ULK4: variants seen among roughly 807,000 people sequenced by gnomAD.
The protein encoded by ULK4 is unc-51 like kinase 4.
A neutral mutation model predicts 160.6 loss-of-function variants in ULK4; 133 were observed. The ratio of observed to expected loss-of-function variants is 0.83; its 90% CI spans 0.72 to 0.96. ULK4 has a LOEUF of 0.96. Ranked by LOEUF, ULK4 falls within the 40% of genes least tolerant of loss-of-function variation. The pLI is 0.00. For missense variants in ULK4, 1,580 were observed against 1,499.5 expected, an observed-to-expected ratio of 1.05 and a Z score of -0.89; for synonymous variants, 534 against 539.8, an observed-to-expected ratio of 0.99 and a Z score of 0.15.
At chr3:41,672,764 C>A (rs2035582033) in intron 29 of ULK4, among the ~76,000 whole-genome samples, 1 of 152,154 alleles carries the variant, frequency 6.6e-6, no homozygotes, top group Admixed American at 6.5e-5. Flanking sequence ...AATACTCTGA[C>A]TTAATCATTA....
intron 30 of ULK4, among the ~76,000 whole-genome samples, chr3:41,661,325 G>C (rs1318386718): frequency 6.6e-6 from 1 of 152,110 alleles, no homozygotes; most frequent in East Asian, 1.9e-4. Flanking sequence ...CATAGATACA[G>C]AATGATACTA....
At chr3:41,381,467 A>G (rs980787305) in intron 35 of ULK4, among the ~76,000 whole-genome samples, 1 of 152,092 alleles carries the variant, frequency 6.6e-6, no homozygotes. Flanking sequence ...AAATGTTCAA[A>G]ACTGAGCTCC....
chr3:41,773,725 C>A (rs183488397), intron 21 of ULK4, among the ~76,000 whole-genome samples: 2,131 of 152,140 alleles, frequency 0.014, 16 homozygotes, highest in Non-Finnish European at 0.023. Flanking sequence ...AAACGACTTT[C>A]AAGTTCATAT....
At chr3:41,358,151 C>T (rs946930893) in intron 35 of ULK4, among the ~76,000 whole-genome samples, 5 of 152,340 alleles carry the variant, frequency 3.3e-5, no homozygotes, top group African/African-American at 1.2e-4. Context: ...GGAGGGCAAA[C>T]ACACCACAAT....
intron 35 of ULK4, among the ~76,000 whole-genome samples, chr3:41,277,236 C>T (rs944345889): frequency 6.6e-6 from 1 of 152,134 alleles, no homozygotes; most frequent in African/African-American, 2.4e-5. Flanking sequence ...AGGAACCCTC[C>T]CTAATTCATT....
At chr3:41,247,693 G>A (rs1239894456) in intron 36 of ULK4, among the ~76,000 whole-genome samples, 1 of 152,170 alleles carries the variant, frequency 6.6e-6, no homozygotes, top group Non-Finnish European at 1.5e-5. Context: ...TTCCTGCTCT[G>A]CGCATCAAAG....
chr3:41,850,224 G>C (rs576677387), intron 17 of ULK4, among the ~76,000 whole-genome samples: 4 of 152,140 alleles, frequency 2.6e-5, no homozygotes, highest in African/African-American at 4.8e-5. Flanking sequence ...TGGGACATTT[G>C]GGTTGGTTCC....
In ULK4 at chr3:41,954,670, T is replaced by C. The variant is rs368050604; in HGVS notation, c.90A>G (p.Val30=). The C allele has an allele frequency of 5.4e-5, 87 of 1,614,044 alleles. 1 individual carries two copies. In the African/African-American group the frequency reaches 1.0e-3, roughly 19 times the overall value. The change falls in exon 2 of 37, where the codon GTA becomes GTG. Residue 30 remains valine, a synonymous_variant. Coordinates refer to ENST00000301831, the MANE Select transcript of ULK4 (RefSeq NM_017886.4). The part of the protein sequence containing the change: ...KGRRKGTINF[V]AILCTDKCKR... ...TGCACTTATCAGTACAAAGAATGGCTACAAAATTGATTGTTCCCTTCCGTC... is the reference window on the plus strand; with the variant it reads ...TGCACTTATCAGTACAAAGAATGGCCACAAAATTGATTGTTCCCTTCCGTC...
At chr3:41,844,366 G>A (rs2042012319) in intron 17 of ULK4, among the ~76,000 whole-genome samples, 6 of 152,104 alleles carry the variant, frequency 3.9e-5, no homozygotes, top group Admixed American at 2.6e-4. Flanking sequence ...CCGGTGGGCC[G>A]GCACTGCTGA....
chr3:41,277,640 A>G (rs1389365385), intron 35 of ULK4, among the ~76,000 whole-genome samples: 1 of 152,188 alleles, frequency 6.6e-6, no homozygotes, highest in African/African-American at 2.4e-5. Context: ...CAGCTAACAT[A>G]ATACTGAATG....
chr3:41,794,660 C>CAA lies in ULK4; in HGVS notation c.2011-4819_2011-4818dup, dbSNP rs71075484. 1.7e-3 allele frequency among the ~76,000 whole-genome samples: 32 copies of CAA among 18,986 alleles called. 5 individuals are homozygous for CAA. The highest frequency in any genetic ancestry group is 2.8e-3 in the African/African-American group (16 of 5,710). The allele number at this position is 18,986 out of a possible 152,430, so 12.5% of individuals were successfully genotyped here. On this transcript the variant is annotated intron_variant, in intron 20 of 36. Transcript: ENST00000301831. ...TGGGTGACAGAGCAAGACTCTGTCT[C>CAA]AAAAAAAAAAAAAAAAAAAAAAAAA...
intron 30 of ULK4, among the ~76,000 whole-genome samples, chr3:41,651,233 G>A (rs1559462243): frequency 6.6e-6 from 1 of 152,064 alleles, no homozygotes. Flanking sequence ...AAAATTGGGG[G>A]CTTGCTTTTA....
chr3:41,550,374 C>T (rs111975657), intron 32 of ULK4, among the ~76,000 whole-genome samples: 182 of 152,046 alleles, frequency 1.2e-3, no homozygotes, highest in African/African-American at 4.1e-3. Context: ...AACCATGAAG[C>T]ATCTTGCTGC....
chr3:41,655,970 T>C (rs1336656160), intron 30 of ULK4, among the ~76,000 whole-genome samples: 1 of 152,216 alleles, frequency 6.6e-6, no homozygotes, highest in African/African-American at 2.4e-5. Context: ...AGCTATCTTG[T>C]GACTGGGGTA....
chr3:41,326,851 A>T (rs2080347877), intron 35 of ULK4, among the ~76,000 whole-genome samples: 1 of 152,158 alleles, frequency 6.6e-6, no homozygotes, highest in South Asian at 2.1e-4. Context: ...CAGCCTAGCA[A>T]TCAGAGGGAC....
chr3:41,881,501 G>A (rs1437075588), intron 17 of ULK4, among the ~76,000 whole-genome samples: 1 of 152,076 alleles, frequency 6.6e-6, no homozygotes, highest in Non-Finnish European at 1.5e-5. Flanking sequence ...AGTAATTACA[G>A]TTTTTGCCAT....
rs374882548 is a variant in ULK4, at chr3:41,823,163, G to C, written c.1765-3657C>G. 1.6e-3 allele frequency among the ~76,000 whole-genome samples: 246 copies of C among 152,304 alleles called. 1 individual carries two copies. The highest frequency in any genetic ancestry group is 5.8e-3 in the African/African-American group (242 of 41,570). On this transcript the variant is annotated intron_variant, in intron 18 of 36. Transcript: ENST00000301831. ...CTCAGATCACTCAGAGACAGGGAAA[G>C]GCTTTCTGAAGGGATTTTTGAGCAC...
intron 34 of ULK4, among the ~76,000 whole-genome samples, chr3:41,448,600 C>T (rs1166891180): frequency 8.5e-5 from 13 of 152,138 alleles, no homozygotes. Flanking sequence ...GTAGAGGGAG[C>T]AAGAACAGGC....
chr3:41,795,483 C>A (rs1233692776), intron 20 of ULK4, among the ~76,000 whole-genome samples: 1 of 152,164 alleles, frequency 6.6e-6, no homozygotes, highest in Non-Finnish European at 1.5e-5. Flanking sequence ...TTGCAATCAA[C>A]AGGCCTGGTA....
Sources: gnomAD v4.1 joint callset for allele counts (sites outside exome capture counted in the v4.1 genomes callset) on GRCh38, gnomAD v4.1.1 for gene constraint, MANE v1.5 for transcripts, NCBI Gene and HGNC (gene_info 2026-07-23, HGNC 2026-07-21) for gene names.